The following ZBTB20 variants were observed in gnomAD, a reference collection of about 807,000 sequenced individuals.
The protein encoded by ZBTB20 is zinc finger and BTB domain-containing protein 20.
A neutral mutation model predicts 56.9 loss-of-function variants in ZBTB20; 9 were observed. The ratio of observed to expected loss-of-function variants is 0.16; its 90% confidence interval spans 0.10 to 0.28. ZBTB20 has a LOEUF of 0.28. ZBTB20 is among the 10% of genes least tolerant of loss of function. The probability of loss-of-function intolerance (pLI) is 1.00; values close to 1 mark genes in which losing one functional copy is unlikely to be tolerated. For missense variants in ZBTB20, 655 were observed against 1,003.0 expected, an observed-to-expected ratio of 0.65 and a Z score of 4.69; for synonymous variants, 417 against 420.7, an observed-to-expected ratio of 0.99 and a Z score of 0.11.
At chr3:114,637,639 A>G (rs2059346824) in intron 6 of ZBTB20, among the ~76,000 whole-genome samples, 1 of 152,130 alleles carries the variant, frequency 6.6e-6, no homozygotes, top group Non-Finnish European at 1.5e-5. Flanking sequence ...CTTCTGGATT[A>G]GAATATTATT....
At chr3:114,878,132 T>C (rs2076264490) in intron 4 of ZBTB20, among the ~76,000 whole-genome samples, 1 of 152,206 alleles carries the variant, frequency 6.6e-6, no homozygotes, top group Admixed American at 6.5e-5. Context: ...CCAAGTTCCC[T>C]GAATCTACTA....
chr3:115,130,159 C>T (rs780617488), intron 1 of ZBTB20, among the ~76,000 whole-genome samples: 1 of 152,118 alleles, frequency 6.6e-6, no homozygotes, highest in Non-Finnish European at 1.5e-5. Context: ...ATACAAAAGT[C>T]AAGTGATTTG....
intron 6 of ZBTB20, among the ~76,000 whole-genome samples, chr3:114,667,502 C>A (rs182958501): frequency 6.6e-6 from 1 of 152,104 alleles, no homozygotes; most frequent in African/African-American, 2.4e-5. Flanking sequence ...AGATTTATGG[C>A]AGCCTAACCT....
intron 5 of ZBTB20, among the ~76,000 whole-genome samples, chr3:114,700,367 T>G (rs1281407551): frequency 1.3e-5 from 2 of 152,116 alleles, no homozygotes; most frequent in East Asian, 3.8e-4. Flanking sequence ...GGTTTATATT[T>G]AAAACAAAAC....
chr3:114,966,780 G>A (rs1324143294), intron 3 of ZBTB20, among the ~76,000 whole-genome samples: 1 of 151,948 alleles, frequency 6.6e-6, no homozygotes, highest in East Asian at 1.9e-4. Context: ...AAGCTCTAGA[G>A]TTAACTAAGG....
intron 2 of ZBTB20, among the ~76,000 whole-genome samples, chr3:115,068,366 G>A (rs2082283990): frequency 1.3e-5 from 2 of 151,968 alleles, no homozygotes; most frequent in Admixed American, 1.3e-4. Context: ...AGAATAAACA[G>A]TATAGGTTAA....
chr3:114,792,038 G>T (rs1034272099), intron 5 of ZBTB20: 2 of 152,012 alleles, frequency 1.3e-5, no homozygotes, highest in African/African-American at 4.8e-5. Context: ...ACTCTTTATT[G>T]TTCCTGAGAA....
At chr3:114,957,682 C>T (rs1007106803) in intron 3 of ZBTB20, among the ~76,000 whole-genome samples, 4 of 152,150 alleles carry the variant, frequency 2.6e-5, no homozygotes, top group Non-Finnish European at 2.9e-5. Flanking sequence ...TCCTTTTCAT[C>T]GTGACAACCA....
At chr3:114,581,271 C>T (rs1304212396) in intron 6 of ZBTB20, among the ~76,000 whole-genome samples, 2 of 151,484 alleles carry the variant, frequency 1.3e-5, no homozygotes, top group South Asian at 4.2e-4. Flanking sequence ...AAAAATAATT[C>T]CAGAAGGATT....
rs866508785 is a variant in ZBTB20, at chr3:114,787,392, C to T, written c.-343+13709G>A. Among the ~76,000 whole-genome samples the T allele has an allele frequency of 5.4e-3, 749 of 139,124 alleles. 14 individuals are homozygous for T. The highest frequency in any genetic ancestry group is 0.018 in the African/African-American group (641 of 35,318). 91.3% of individuals were successfully genotyped at this position (139,124 alleles called of 152,430 possible). A position where few individuals can be genotyped will look rare whatever the true frequency, so the allele number is the denominator to read the frequency against. On this transcript the variant is annotated intron_variant, in intron 5 of 11. Transcript: ENST00000675478. ...ATACACACACACACACACACACACA[C>T]ATATATATACATATATATACGTGTG...
chr3:114,691,804 T>C (rs536900241), intron 6 of ZBTB20, among the ~76,000 whole-genome samples: 1 of 151,230 alleles, frequency 6.6e-6, no homozygotes, highest in South Asian at 2.1e-4. Flanking sequence ...TAGAAATAAT[T>C]ACTTTAATTT....
intron 4 of ZBTB20, among the ~76,000 whole-genome samples, chr3:114,806,706 T>G (rs894637841): frequency 1.3e-5 from 2 of 152,046 alleles, no homozygotes; most frequent in Non-Finnish European, 2.9e-5. Context: ...TGTTTTCTTC[T>G]AGAAATTTTA....
intron 9 of ZBTB20, among the ~76,000 whole-genome samples, 183 bp downstream of exon 9, chr3:114,380,594 C>A (rs1267681715): frequency 1.3e-5 from 2 of 151,824 alleles, no homozygotes; most frequent in Non-Finnish European, 2.9e-5. Context: ...ACTGGGAACA[C>A]ATGAAAGCAT....
chr3:115,034,259 G>T (rs1382971559), intron 2 of ZBTB20, among the ~76,000 whole-genome samples: 1 of 151,160 alleles, frequency 6.6e-6, no homozygotes, highest in Non-Finnish European at 1.5e-5. Flanking sequence ...GAAATGAAAG[G>T]CACCCAAATC....
intron 4 of ZBTB20, among the ~76,000 whole-genome samples, chr3:114,845,777 C>A (rs1270595111): frequency 6.6e-6 from 1 of 152,146 alleles, no homozygotes; most frequent in Non-Finnish European, 1.5e-5. Context: ...TAATTATATA[C>A]ATATTTTCTA....
chr3:114,748,324 TTCTTTCTTTC>T (rs1367564436), intron 5 of ZBTB20, among the ~76,000 whole-genome samples: 10 of 126,442 alleles, frequency 7.9e-5, no homozygotes, highest in African/African-American at 2.8e-4. Context: ...CTTTCTTTCT[TTCTTTCTTTC>T]TTCTTTCTTT....
intron 10 of ZBTB20, among the ~76,000 whole-genome samples, chr3:114,359,775 A>G (rs1473860843): frequency 2.0e-5 from 3 of 152,212 alleles, no homozygotes; most frequent in Non-Finnish European, 4.4e-5. Context: ...AAGGATCTGT[A>G]TATTCAATTG....
intron 1 of ZBTB20, among the ~76,000 whole-genome samples, chr3:115,086,417 T>C (rs1013340672): frequency 4.0e-5 from 6 of 151,852 alleles, no homozygotes; most frequent in Non-Finnish European, 7.4e-5. Context: ...AGAGTATTAC[T>C]AGAACCCTAT....
chr3:114,932,077 T>A (rs1382447530), intron 3 of ZBTB20, among the ~76,000 whole-genome samples: 1 of 152,188 alleles, frequency 6.6e-6, no homozygotes, highest in East Asian at 1.9e-4. Flanking sequence ...AAGTATAATT[T>A]TTTTAGGAAT....
Sources: gnomAD v4.1 joint callset for allele counts (sites outside exome capture counted in the v4.1 genomes callset) on GRCh38, gnomAD v4.1.1 for gene constraint, MANE v1.5 for transcripts, NCBI Gene and HGNC (gene_info 2026-07-23, HGNC 2026-07-21) for gene names.